FMNL1: variants seen among roughly 807,000 people sequenced by gnomAD.
FMNL1 encodes the protein formin-like protein 1.
Under a neutral mutation model 121.3 loss-of-function variants are expected in FMNL1, and 43 were observed. That is an observed-to-expected ratio of 0.35 (90% CI 0.28 to 0.46). The LOEUF (loss-of-function observed/expected upper bound fraction) is 0.46, where lower values mean the gene tolerates loss of function less well. Among genes scored for constraint, FMNL1 ranks in the 20% least tolerant of loss-of-function variants. The pLI, the probability that FMNL1 is intolerant of heterozygous loss-of-function variation, is 1.00. For missense variants in FMNL1, 1,191 were observed against 1,482.4 expected (o/e 0.80, Z 3.23); for synonymous variants, 613 against 613.5 (o/e 1.00, Z 0.01).
Position 45,241,699 on chromosome 17 carries a change from T to G in FMNL1, c.1585+65T>G. 6.9e-7 allele frequency: 1 copy of G among 1,443,638 alleles called. No individual in the cohort carries two copies. The highest frequency in any genetic ancestry group is 1.4e-5 in the South Asian group (1 of 69,134). The allele number at this position is 1,443,638 out of a possible 1,614,324, so 89.4% of individuals were successfully genotyped here. A position where few individuals can be genotyped will look rare whatever the true frequency, so the allele number is the denominator to read the frequency against. ...GTCTGGAGGGGAGCCCAGGGGCATC[T>G]GTGGCGGGCAGAGTTGGGCGAGGGA... On this transcript the variant is annotated intron_variant, in intron 14 of 26. Coordinates refer to ENST00000331495, the MANE Select transcript of FMNL1 (RefSeq NM_005892.4). The surrounding 1 kb of genome is among the most constrained non-coding windows in gnomAD (Gnocchi z 7.0).
intron 1 of FMNL1, among the ~76,000 whole-genome samples, chr17:45,225,748 G>T (rs912196848): frequency 6.6e-6 from 1 of 152,140 alleles, no homozygotes; most frequent in Non-Finnish European, 1.5e-5. Flanking sequence ...GAGCTTTGGG[G>T]TCATGATGTT....
intron 10 of FMNL1, 104 bp downstream of exon 10, chr17:45,238,742 G>GTC: frequency 7.0e-7 from 1 of 1,430,196 alleles, no homozygotes; most frequent in Non-Finnish European, 9.7e-7. Flanking sequence ...CCCCCGCAAA[G>GTC]CGTAAGGACT....
Position 45,232,362 on chromosome 17 carries a change from C to G in FMNL1, c.214-5C>G. ...TTTTCTGTACACCCCATTCCATCTC[C>G]CCAGGAGCGGTTTCAAGTCAAGAAT... is the stretch of plus-strand genomic sequence containing the variant. On this transcript the variant is annotated splice_polypyrimidine_tract_variant and splice_region_variant and intron_variant, in intron 2 of 26. Coordinates refer to ENST00000331495, the MANE Select transcript of FMNL1 (RefSeq NM_005892.4). 1 of 1,613,710 alleles carries G rather than the reference C, an allele frequency of 6.2e-7. No homozygotes were observed. Among genetic ancestry groups the G allele is most frequent in the Non-Finnish European group, 8.5e-7 (1 of 1,179,840 alleles).
Position 45,236,368 on chromosome 17 carries a change from G to A in FMNL1, c.723+124G>A, listed in dbSNP as rs991599860. 3.5e-5 allele frequency: 26 copies of A among 752,894 alleles called. 2 individuals carry two copies. Among genetic ancestry groups the A allele is most frequent in the South Asian group, 3.0e-4 (17 of 56,362 alleles). 46.6% of individuals were successfully genotyped at this position (752,894 alleles called of 1,614,324 possible). On this transcript the variant is annotated intron_variant, in intron 7 of 26. Coordinates refer to ENST00000331495, the MANE Select transcript of FMNL1 (RefSeq NM_005892.4). Reference sequence around the variant, plus strand: ...CCCTGTGCTGTGCTGGGGAACTTGCGCATCTGGGCTGTTGGCTCAGGCTTT... The same window carrying A: ...CCCTGTGCTGTGCTGGGGAACTTGCACATCTGGGCTGTTGGCTCAGGCTTT...
At chr17:45,244,084 C>T in intron 18 of FMNL1, 59 bp downstream of exon 18, 1 of 1,601,608 alleles carries the variant, frequency 6.2e-7, no homozygotes, top group Non-Finnish European at 8.5e-7. Context: ...GAGGCAACTC[C>T]CAGCCTGGGC....
At chr17:45,234,472 C>G (rs1284705678) in intron 6 of FMNL1, 2 of 435,860 alleles carry the variant, frequency 4.6e-6, no homozygotes, top group Non-Finnish European at 8.5e-6. Flanking sequence ...TGAGACCAGC[C>G]TGGCTAACAT....
intron 6 of FMNL1, 34 bp from the exon 7 acceptor site, chr17:45,236,102 C>A: frequency 6.4e-7 from 1 of 1,574,236 alleles, no homozygotes; most frequent in Non-Finnish European, 8.7e-7. Flanking sequence ...GGGGCTCACT[C>A]TGACTCCTGC....
chr17:45,246,700 T>A, intron 26 of FMNL1, 96 bp downstream of exon 26: 1 of 1,260,534 alleles, frequency 7.9e-7, no homozygotes, highest in Non-Finnish European at 1.1e-6. Flanking sequence ...GGCCAGTGGA[T>A]GGCTGGGATG....
At chr17:45,225,342 C>T (rs1444533973) in intron 1 of FMNL1, among the ~76,000 whole-genome samples, 2 of 152,212 alleles carry the variant, frequency 1.3e-5, no homozygotes. Context: ...AACTGAGGCA[C>T]TGCCCCCTGG....
rs1298562989 is a variant in FMNL1 at position 45,241,703 on chromosome 17, G to C, written c.1585+69G>C. 6.9e-7 allele frequency: 1 copy of C among 1,443,134 alleles called. No individual in the cohort carries two copies. The highest frequency in any genetic ancestry group is 9.1e-7 in the Non-Finnish European group (1 of 1,102,668). 89.4% of individuals were successfully genotyped at this position (1,443,134 alleles called of 1,614,324 possible). A position where few individuals can be genotyped will look rare whatever the true frequency, so the allele number is the denominator to read the frequency against. On this transcript the variant is annotated intron_variant, in intron 14 of 26. Coordinates refer to ENST00000331495, the MANE Select transcript of FMNL1 (RefSeq NM_005892.4). This position sits in a 1 kb window ranked among gnomAD's most constrained non-coding sequence, Gnocchi z 7.0. ...GGAGGGGAGCCCAGGGGCATCTGTG[G>C]CGGGCAGAGTTGGGCGAGGGAGGTT...
chr17:45,246,548 A>G lies in FMNL1; in HGVS notation c.3255A>G (p.Thr1085=). The G allele has an allele frequency of 6.2e-7, 1 of 1,613,502 alleles. No homozygotes were observed. Among genetic ancestry groups the G allele is most frequent in the Non-Finnish European group, 8.5e-7 (1 of 1,179,492 alleles). Residue 1085 remains threonine, a synonymous_variant, in exon 26 of 27, where the codon ACA becomes ACG. Transcript: ENST00000331495. ...VPFTARTGKR[T]SRLLCEASLG... ...TCACGGCCCGCACCGGCAAGCGGAC[A>G]TCCCGGCTCCTCTGTGAGGCCAGCC...
At chr17:45,235,093 T>C (rs748430136) in intron 6 of FMNL1, among the ~76,000 whole-genome samples, 7 of 152,268 alleles carry the variant, frequency 4.6e-5, no homozygotes, top group Non-Finnish European at 8.8e-5. Context: ...CCTCAAACTT[T>C]CACAATATGT....
chr17:45,239,231 A>C, intron 11 of FMNL1, 166 bp downstream of exon 11: 1 of 619,956 alleles, frequency 1.6e-6, no homozygotes, highest in Non-Finnish European at 2.9e-6. Context: ...TCTCAGTGTC[A>C]GTTTTGCCAT....
At position 45,242,120 on chromosome 17, in the gene FMNL1, G is replaced by T. The variant is rs2043718144; in HGVS notation, c.1859G>T (p.Gly620Val). 1.3e-6 allele frequency: 2 copies of T among 1,540,972 alleles called. No individual in the cohort carries two copies. Among genetic ancestry groups the T allele is most frequent in the South Asian group, 2.4e-5 (2 of 83,746 alleles). ...CCCGGAGGTCCTCCTGATGCCCTAG[G>T]AAGACGCGACTCAGAATTGGGCCCA... is the stretch of plus-strand genomic sequence containing the variant. Reference protein sequence around the residue: ...PPPGGPPDALGRRDSELGPGV... With the variant: ...PPPGGPPDALVRRDSELGPGV... The change falls in exon 15 of 27, where the codon GGA becomes GTA. Residue 620 changes from glycine to valine, a missense_variant. This residue lies in a region of FMNL1 where 519 missense variants were observed against 492.8 expected (regional missense o/e 1.05). Transcript: ENST00000331495.
chr17:45,243,860 G>A lies in FMNL1; in HGVS notation c.2283G>A (p.Glu761=). 1 of 1,613,926 alleles carries A rather than the reference G, an allele frequency of 6.2e-7. No individual in the cohort carries two copies. Among genetic ancestry groups the A allele is most frequent in the South Asian group, 1.1e-5 (1 of 91,092 alleles). Residue 761 remains glutamate (E), a synonymous_variant, in exon 18 of 27, where the codon GAG becomes GAA. Transcript: ENST00000331495. ...TGCGCTTCCTGCCCACAGAGTATGA[G>A]CGCAGCCTCATCACCCGCTTTGAGC... ...LLMRFLPTEY[E]RSLITRFERE... is the part of the protein sequence containing the mutation.
intron 1 of FMNL1, among the ~76,000 whole-genome samples, chr17:45,225,482 G>A (rs1177475448): frequency 6.6e-6 from 1 of 152,172 alleles, no homozygotes; most frequent in Non-Finnish European, 1.5e-5. Context: ...TCTGATGTTG[G>A]GCTGGGCAGA....
chr17:45,233,304 G>T lies in FMNL1; in HGVS notation c.401+7G>T. 1 of 1,555,874 alleles carries T rather than the reference G, an allele frequency of 6.4e-7. No individual in the cohort carries two copies. Among genetic ancestry groups the T allele is most frequent in the African/African-American group, 1.4e-5 (1 of 73,594 alleles). ...TGAGGACCAACCACATTGGGTGAGT[G>T]AGGGCTCAGATCTTCCTCTCTGGGC... On this transcript the variant is annotated splice_region_variant and intron_variant, in intron 4 of 26. Coordinates refer to ENST00000331495, the MANE Select transcript of FMNL1 (RefSeq NM_005892.4). The surrounding 1 kb of genome is among the most constrained non-coding windows in gnomAD (Gnocchi z 4.1).
chr17:45,245,141 G>A, intron 21 of FMNL1, 33 bp downstream of exon 21: 1 of 1,611,606 alleles, frequency 6.2e-7, no homozygotes, highest in South Asian at 1.1e-5. Context: ...GGTGTGGGGA[G>A]GGGCCGTGGG....
In FMNL1 at chr17:45,246,556, T is replaced by A; in HGVS notation, c.3263T>A (p.Leu1088His). Residue 1088 changes from leucine (L) to histidine (H), a missense_variant, in exon 26 of 27, where the codon CTC becomes CAC. Physicochemically the swap from Leu to His is moderately conservative, Grantham distance 99. This residue lies in a region of FMNL1 where 367 missense variants were observed against 528.6 expected (regional missense o/e 0.69). Transcript: ENST00000331495. ...TARTGKRTSR[L>H]LCEASLGEEM... ...CGCACCGGCAAGCGGACATCCCGGC[T>A]CCTCTGTGAGGCCAGCCTGGGAGAA... 6.2e-7 allele frequency: 1 copy of A among 1,612,902 alleles called. No individual in the cohort carries two copies. Among genetic ancestry groups the A allele is most frequent in the Non-Finnish European group, 8.5e-7 (1 of 1,179,078 alleles).
Sources: allele counts gnomAD v4.1 joint callset (sites outside exome capture counted in the v4.1 genomes callset), GRCh38; gene constraint gnomAD v4.1.1; regional missense constraint gnomAD v4.1.1; non-coding constraint Gnocchi (gnomAD v3.1); transcripts MANE v1.5; gene names NCBI Gene and HGNC (gene_info 2026-07-23, HGNC 2026-07-21).